Variants in PPP1R37 observed in about 807,000 individuals in gnomAD.
The protein encoded by PPP1R37 is leucine rich repeat containing 68.
In PPP1R37, 21 loss-of-function variants were observed where a neutral mutation model predicts 61.0. The observed-to-expected ratio is 0.34, with a 90% CI of 0.24 to 0.50. The LOEUF (loss-of-function observed/expected upper bound fraction) is 0.50, where lower values mean the gene tolerates loss of function less well. Ranked by LOEUF, PPP1R37 falls within the 20% of genes least tolerant of loss-of-function variation. The pLI is 0.98. For synonymous variants in PPP1R37, 443 were observed against 433.5 expected (o/e 1.02, Z -0.27); for missense variants, 910 against 952.7 (o/e 0.96, Z 0.59).
intron 2 of PPP1R37, among the ~76,000 whole-genome samples, chr19:45,138,847 C>A (rs1454433077): frequency 6.6e-6 from 1 of 151,796 alleles, no homozygotes; most frequent in Non-Finnish European, 1.5e-5. Flanking sequence ...AACGCTGTTC[C>A]CTGGGGAAGA....
chr19:45,098,463 A>G (rs914200448), intron 1 of PPP1R37, among the ~76,000 whole-genome samples: 1 of 152,186 alleles, frequency 6.6e-6, no homozygotes, highest in Non-Finnish European at 1.5e-5. Context: ...CCCCTCCTCC[A>G]GTCCTGCCGG....
chr19:45,103,340 G>C (rs371262748), intron 1 of PPP1R37, among the ~76,000 whole-genome samples: 50 of 152,334 alleles, frequency 3.3e-4, no homozygotes, highest in African/African-American at 1.2e-3. Context: ...AGCCTGGGTC[G>C]GGAGCCCTGC....
chr19:45,096,939 T>C (rs1347647453), intron 1 of PPP1R37, among the ~76,000 whole-genome samples: 2 of 150,464 alleles, frequency 1.3e-5, no homozygotes, highest in African/African-American at 4.9e-5. Flanking sequence ...ATTGGTGAAG[T>C]TGGTGAGTTT....
intron 1 of PPP1R37, among the ~76,000 whole-genome samples, chr19:45,106,807 C>CTTTTTTTTTTTT (rs927426410): frequency 1.3e-5 from 1 of 78,112 alleles, no homozygotes; most frequent in African/African-American, 6.3e-5. Flanking sequence ...TGTTGAGCAT[C>CTTTTTTTTTTTT]TTTTTTTTTT....
chr19:45,138,681 G>T, intron 2 of PPP1R37, 70 bp downstream of exon 2: 1 of 1,042,412 alleles, frequency 9.6e-7, no homozygotes, highest in South Asian at 1.4e-5. Flanking sequence ...AACCAGCCCA[G>T]CAGGAGAGGG....
At chr19:45,128,014 T>C (rs1208879147) in intron 1 of PPP1R37, among the ~76,000 whole-genome samples, 1 of 151,652 alleles carries the variant, frequency 6.6e-6, no homozygotes, top group Non-Finnish European at 1.5e-5. Flanking sequence ...TGAGGTGATA[T>C]GCTAATTACC....
intron 1 of PPP1R37, among the ~76,000 whole-genome samples, chr19:45,102,022 G>A (rs907013969): frequency 5.9e-5 from 9 of 151,958 alleles, no homozygotes; most frequent in East Asian, 1.9e-4. Context: ...CCCTTCCCTC[G>A]TGCTCCCCCA....
At chr19:45,141,557 G>A in intron 5 of PPP1R37, 116 bp downstream of exon 5, 1 of 1,329,328 alleles carries the variant, frequency 7.5e-7, no homozygotes, top group Non-Finnish European at 1.0e-6. Flanking sequence ...GTGGGCTGTT[G>A]TGGGGATGCT....
chr19:45,098,428 C>T (rs1968020996), intron 1 of PPP1R37, among the ~76,000 whole-genome samples: 1 of 152,184 alleles, frequency 6.6e-6, no homozygotes, highest in African/African-American at 2.4e-5. Context: ...CACATGACAC[C>T]AGCCACAGTC....
rs1346106164 is a variant in PPP1R37, at chr19:45,145,604, G to A, written c.1548G>A (p.Glu516=). 6.5e-7 allele frequency: 1 copy of A among 1,536,136 alleles called. No homozygotes were observed. Among genetic ancestry groups the A allele is most frequent in the Non-Finnish European group, 8.7e-7 (1 of 1,146,914 alleles). Residue 516 remains glutamate, a synonymous_variant, in exon 11 of 13, where the codon GAG becomes GAA. Transcript: ENST00000221462. ...ACTCGGACTCGGATGGGGAGGAAGA[G>A]GAGGAAGAGGAAGGGGAGAGGGACG... ...DSDSDSDGEE[E]EEEEGERDET... is the part of the protein sequence containing the mutation.
At chr19:45,102,505 G>A (rs950453672) in intron 1 of PPP1R37, among the ~76,000 whole-genome samples, 5 of 152,210 alleles carry the variant, frequency 3.3e-5, no homozygotes, top group Admixed American at 1.3e-4. Context: ...TGTTGCAGGC[G>A]CTCATGAGGA....
At chr19:45,098,336 G>C (rs1968019686) in intron 1 of PPP1R37, among the ~76,000 whole-genome samples, 1 of 152,246 alleles carries the variant, frequency 6.6e-6, no homozygotes, top group Non-Finnish European at 1.5e-5. Context: ...GGAATGACCT[G>C]AGGCTCGGCT....
intron 8 of PPP1R37, 152 bp from the exon 9 acceptor site, chr19:45,144,686 TCAGGCCAGGCCTGCGG>T: frequency 1.7e-6 from 1 of 599,860 alleles, no homozygotes; most frequent in South Asian, 2.3e-5. Flanking sequence ...AGGAGGGACT[TCAGGCCAGGCCTGCGG>T]CAGGGCAGGA....
chr19:45,100,028 A>T (rs970390696), intron 1 of PPP1R37: 15 of 152,254 alleles, frequency 9.9e-5, no homozygotes, highest in Non-Finnish European at 1.5e-5. Context: ...CTTCACAGGC[A>T]TCCGACTCCA....
At position 45,109,687 on chromosome 19, in the gene PPP1R37, A is replaced by C. The variant is rs548834540; in HGVS notation, c.202+16160A>C. ...CTATGGAGGCTCAGCAAGTCCCAGGAGCCTCAAGTTTCAGCAGGAGCCTGG... is the reference window on the plus strand; with the variant it reads ...CTATGGAGGCTCAGCAAGTCCCAGGCGCCTCAAGTTTCAGCAGGAGCCTGG... On this transcript the variant is annotated intron_variant, in intron 1 of 12. Coordinates refer to ENST00000221462, the MANE Select transcript of PPP1R37 (RefSeq NM_019121.2). 2.0e-5 allele frequency among the ~76,000 whole-genome samples: 3 copies of C among 152,294 alleles called. No homozygotes were observed. The East Asian group carries it at 5.8e-4, about 29-fold the overall frequency.
chr19:45,146,478 T>C lies in PPP1R37; in HGVS notation c.*6T>C, dbSNP rs762554939. On this transcript the variant is annotated splice_region_variant and 3_prime_UTR_variant, in exon 12 of 13. Transcript: ENST00000221462. ...CCGGGCAGGAGACACTGTGACACTT[T>C]AGGTGAGGCCAGGCCCGGGGCCCAC... 7 of 1,533,476 alleles carry C rather than the reference T, an allele frequency of 4.6e-6. No homozygotes were observed. The highest frequency in any genetic ancestry group is 1.4e-5 in the African/African-American group (1 of 73,062). 95.0% of individuals were successfully genotyped at this position (1,533,476 alleles called of 1,614,324 possible).
intron 1 of PPP1R37, among the ~76,000 whole-genome samples, chr19:45,093,935 A>G (rs751458044): frequency 2.6e-5 from 4 of 152,194 alleles, no homozygotes; most frequent in African/African-American, 7.2e-5. Flanking sequence ...TGATGGGTCT[A>G]TGGGGGTAAA....
intron 1 of PPP1R37, among the ~76,000 whole-genome samples, chr19:45,122,660 G>GGGAA (rs751215623): frequency 1.3e-5 from 2 of 152,106 alleles, no homozygotes; most frequent in Non-Finnish European, 2.9e-5. Flanking sequence ...CAGGCAGGGA[G>GGGAA]GGAAGGAGCC....
intron 7 of PPP1R37, 121 bp from the exon 8 acceptor site, chr19:45,143,400 G>T (rs910101932): frequency 6.5e-6 from 4 of 610,956 alleles, no homozygotes; most frequent in Non-Finnish European, 2.9e-6. Context: ...TGCAGGGCAA[G>T]GCCTGGGACT....
Sources: allele counts gnomAD v4.1 joint callset (sites outside exome capture counted in the v4.1 genomes callset), GRCh38; gene constraint gnomAD v4.1.1; transcripts MANE v1.5; gene names NCBI Gene and HGNC (gene_info 2026-07-23, HGNC 2026-07-21).